The following ESRRG variants were observed in gnomAD, a reference collection of about 807,000 sequenced individuals.
The protein encoded by ESRRG is estrogen-related receptor gamma.
A neutral mutation model predicts 44.0 loss-of-function variants in ESRRG; 13 were observed. The observed-to-expected ratio is 0.30, with a 90% confidence interval of 0.19 to 0.47. The LOEUF (loss-of-function observed/expected upper bound fraction) is 0.47. Among genes scored for constraint, ESRRG ranks in the 20% least tolerant of loss-of-function variants. The probability of loss-of-function intolerance (pLI) is 1.00; values close to 1 mark genes in which losing one functional copy is unlikely to be tolerated. For missense variants in ESRRG, 395 were observed against 580.6 expected (o/e 0.68, Z 3.29); for synonymous variants, 215 against 214.6 (o/e 1.00, Z -0.02).
chr1:216,709,833 CAAT>C (rs1438242192), intron 1 of ESRRG, among the ~76,000 whole-genome samples: 1 of 151,924 alleles, frequency 6.6e-6, no homozygotes, highest in East Asian at 1.9e-4. Context: ...ATAAACGAAA[CAAT>C]AATTTTTTTT....
chr1:216,891,638 T>C (rs1375656153), intron 2 of ESRRG, among the ~76,000 whole-genome samples: 1 of 152,170 alleles, frequency 6.6e-6, no homozygotes, highest in East Asian at 1.9e-4. Context: ...TAGCAAAACA[T>C]GGGTCAACTA....
At chr1:216,583,302 G>A (rs144390533) in intron 3 of ESRRG, among the ~76,000 whole-genome samples, 324 of 152,290 alleles carry the variant, frequency 2.1e-3, no homozygotes, top group African/African-American at 7.6e-3. Flanking sequence ...AGTCATATGT[G>A]TACACCTACT....
At chr1:216,736,214 G>C (rs1284647960) in intron 2 of ESRRG, among the ~76,000 whole-genome samples, 2 of 121,124 alleles carry the variant, frequency 1.7e-5, no homozygotes, top group African/African-American at 3.2e-5. Context: ...ACAGAGTCTC[G>C]CTCTGTCGCT....
chr1:216,946,042 T>C (rs1468737892), intron 1 of ESRRG, among the ~76,000 whole-genome samples: 1 of 152,236 alleles, frequency 6.6e-6, no homozygotes, highest in Non-Finnish European at 1.5e-5. Flanking sequence ...CATTATTTAC[T>C]AAATGAATGA....
At chr1:216,994,122 T>C (rs1042260243) in intron 1 of ESRRG, among the ~76,000 whole-genome samples, 3 of 152,202 alleles carry the variant, frequency 2.0e-5, no homozygotes, top group Admixed American at 6.5e-5. Context: ...ACATTTTCCA[T>C]AGTAGGTTAT....
chr1:216,519,637 T>C (rs549673138), intron 5 of ESRRG, among the ~76,000 whole-genome samples: 2 of 152,092 alleles, frequency 1.3e-5, no homozygotes, highest in Non-Finnish European at 2.9e-5. Flanking sequence ...ATAAGTTTTA[T>C]AGACACAGCT....
At chr1:216,630,161 A>C (rs942337875) in intron 3 of ESRRG, among the ~76,000 whole-genome samples, 16 of 152,168 alleles carry the variant, frequency 1.1e-4, no homozygotes, top group African/African-American at 2.9e-4. Context: ...ATACTAGGGG[A>C]AGTGCTATGA....
At chr1:216,825,374 G>A (rs1275863660) in intron 2 of ESRRG, among the ~76,000 whole-genome samples, 4 of 152,150 alleles carry the variant, frequency 2.6e-5, no homozygotes, top group Admixed American at 2.6e-4. Flanking sequence ...AATACAATGT[G>A]GATACAGTAA....
chr1:217,128,522 G>A (rs2092919830), intron 1 of ESRRG, among the ~76,000 whole-genome samples: 1 of 152,048 alleles, frequency 6.6e-6, no homozygotes, highest in Non-Finnish European at 1.5e-5. Context: ...GTTTAAGGCA[G>A]CTCCTTAATG....
intron 1 of ESRRG, among the ~76,000 whole-genome samples, chr1:216,706,916 ATGCTGCAAACAGAGAACTGCTT>A (rs2082569265): frequency 6.6e-6 from 1 of 152,212 alleles, no homozygotes; most frequent in African/African-American, 2.4e-5. Context: ...CACTGAAGAG[ATGCTGCAAACAGAGAACTGCTT>A]TGAATTCAAT....
intron 3 of ESRRG, among the ~76,000 whole-genome samples, chr1:216,583,534 C>A (rs892010661): frequency 2.6e-5 from 4 of 152,206 alleles, no homozygotes; most frequent in Non-Finnish European, 5.9e-5. Context: ...CATGAGGCAT[C>A]CCCTCCCTCT....
chr1:216,672,304 A>G (rs2075346299), intron 2 of ESRRG, among the ~76,000 whole-genome samples: 1 of 152,198 alleles, frequency 6.6e-6, no homozygotes, highest in Admixed American at 6.5e-5. Flanking sequence ...TACCCAACTA[A>G]ATGCTGACAT....
intron 2 of ESRRG, among the ~76,000 whole-genome samples, chr1:216,902,479 A>G (rs2059197256): frequency 1.3e-5 from 2 of 151,586 alleles, no homozygotes; most frequent in South Asian, 4.2e-4. Context: ...CAGAGTCTCG[A>G]AAAAAAAGAA....
At chr1:216,778,492 GCCCTGACAGTCAGGGTCTATAGAT>G (rs2147768365) in intron 2 of ESRRG, among the ~76,000 whole-genome samples, 1 of 151,950 alleles carries the variant, frequency 6.6e-6, no homozygotes, top group African/African-American at 2.4e-5. Context: ...GTTGTGTCGG[GCCCTGACAGTCAGGGTCTATAGAT>G]CCCTGGGTCA....
Position 216,505,281 on chromosome 1 carries a change from A to G in ESRRG, c.*1658T>C, listed in dbSNP as rs947783038. On this transcript the variant is annotated 3_prime_UTR_variant, in exon 7 of 7. Transcript: ENST00000408911. ...TTTCTTCATTAGATTACACCTCTTAACAGTCTGGAACCTGACTTGACTTTC... is the reference window on the plus strand; with the variant it reads ...TTTCTTCATTAGATTACACCTCTTAGCAGTCTGGAACCTGACTTGACTTTC... 1 of 152,596 alleles carries G rather than the reference A, an allele frequency of 6.6e-6. No individual in the cohort carries two copies. The highest frequency in any genetic ancestry group is 2.4e-5 in the African/African-American group (1 of 41,448). The allele number at this position is 152,596 out of a possible 1,614,324, so 9.5% of individuals were successfully genotyped here.
intron 1 of ESRRG, among the ~76,000 whole-genome samples, chr1:217,066,629 C>T (rs2089746488): frequency 6.6e-6 from 1 of 152,144 alleles, no homozygotes; most frequent in African/African-American, 2.4e-5. Context: ...ACCTTTTAAA[C>T]TTTGTAAGTG....
chr1:216,771,720 T>C (rs562749692), intron 2 of ESRRG, among the ~76,000 whole-genome samples: 1 of 152,222 alleles, frequency 6.6e-6, no homozygotes, highest in South Asian at 2.1e-4. Context: ...CACTGCTGTG[T>C]TTATTTACTG....
intron 1 of ESRRG, among the ~76,000 whole-genome samples, chr1:217,012,105 AC>A: frequency 6.6e-6 from 1 of 152,200 alleles, no homozygotes; most frequent in African/African-American, 2.4e-5. Context: ...TTTGGAGGGG[AC>A]CCATGAAAGT....
At chr1:217,122,943 C>T (rs1180864740) in intron 1 of ESRRG, among the ~76,000 whole-genome samples, 12 of 151,978 alleles carry the variant, frequency 7.9e-5, no homozygotes, top group African/African-American at 2.7e-4. Context: ...CCGCCTGCCT[C>T]GGCCTCCCAA....
Sources: allele counts gnomAD v4.1 joint callset (sites outside exome capture counted in the v4.1 genomes callset), GRCh38; gene constraint gnomAD v4.1.1; transcripts MANE v1.5; gene names NCBI Gene and HGNC (gene_info 2026-07-23, HGNC 2026-07-21).